BMPR1A: variants seen among roughly 807,000 people sequenced by gnomAD.
BMPR1A encodes the protein bone morphogenetic protein receptor type-1A.
A neutral mutation model predicts 66.0 loss-of-function variants in BMPR1A; 7 were observed. The observed-to-expected ratio is 0.11, with a 90% CI of 0.06 to 0.20. The LOEUF is 0.20. Ranked by LOEUF, BMPR1A falls within the 10% of genes least tolerant of loss-of-function variation. The pLI is 1.00. For synonymous variants in BMPR1A, 200 were observed against 229.7 expected (o/e 0.87, Z 1.17); for missense variants, 408 against 669.1 (o/e 0.61, Z 4.31).
At position 86,925,721 on chromosome 10, in the gene BMPR1A, C is replaced by CTTTTT. The variant is rs11450437; in HGVS notation, c.*2015_*2019dup. ...CATAATCTTTAAAATCATTTGTCAT[C>CTTTTT]TTTTTTTTTTTTTTTTTGAGACGGA... On this transcript the variant is annotated 3_prime_UTR_variant, in exon 13 of 13. Transcript: ENST00000372037. The CTTTTT allele has an allele frequency of 1.3e-4, 15 of 117,124 alleles. No homozygotes were observed. Among genetic ancestry groups the CTTTTT allele is most frequent in the African/African-American group, 5.2e-4 (13 of 25,052 alleles). The allele number at this position is 117,124 out of a possible 1,614,324, so 7.3% of individuals were successfully genotyped here.
At chr10:86,932,385 G>A (rs1173737838), downstream of BMPR1A, 7 of 152,122 alleles carry the variant, frequency 4.6e-5, no homozygotes, top group Non-Finnish European at 8.8e-5. Context: ...GTGTGGTTGG[G>A]TTTTTTGTTT....
intron 4 of BMPR1A, among the ~76,000 whole-genome samples, chr10:86,891,482 GC>G (rs1413140784): frequency 6.6e-6 from 1 of 152,050 alleles, no homozygotes; most frequent in East Asian, 1.9e-4. Context: ...TACAGAAAAA[GC>G]TTTTAGAAAT....
At chr10:86,865,540 T>G (rs1842774814) in intron 2 of BMPR1A, among the ~76,000 whole-genome samples, 2 of 152,314 alleles carry the variant, frequency 1.3e-5, no homozygotes, top group South Asian at 4.1e-4. Context: ...CCCAGGTGAT[T>G]AAAAGCTTTT....
Position 86,759,922 on chromosome 10 carries a change from T to G in BMPR1A, c.-268+3003T>G, listed in dbSNP as rs545421473. On this transcript the variant is annotated intron_variant, in intron 1 of 12. Transcript: ENST00000372037. ...TCACATTTTTTTCAGGAATTTATTT[T>G]CAAATCTAGTGTTATTTGGCTTTCA... Among the ~76,000 whole-genome samples, 7 of 152,264 alleles carry G rather than the reference T, an allele frequency of 4.6e-5. No homozygotes were observed. The East Asian group carries it at 1.2e-3, about 25-fold the overall frequency.
chr10:86,821,235 T>C (rs1842116113), intron 1 of BMPR1A, among the ~76,000 whole-genome samples: 1 of 152,218 alleles, frequency 6.6e-6, no homozygotes, highest in South Asian at 2.1e-4. Flanking sequence ...AGGAAGTTAC[T>C]CCTCTGGGTT....
At chr10:86,866,409 T>TC (rs1564707612) in intron 2 of BMPR1A, among the ~76,000 whole-genome samples, 3 of 103,078 alleles carry the variant, frequency 2.9e-5, no homozygotes, top group African/African-American at 8.3e-5. Context: ...CTTTTTTTTT[T>TC]TTTTTTTTTT....
At chr10:86,826,175 G>T (rs533926118) in intron 1 of BMPR1A, among the ~76,000 whole-genome samples, 1 of 152,014 alleles carries the variant, frequency 6.6e-6, no homozygotes, top group African/African-American at 2.4e-5. Context: ...ATTTTAGCAC[G>T]TGTATCCTAA....
intron 1 of BMPR1A, among the ~76,000 whole-genome samples, chr10:86,796,675 C>G (rs1185347877): frequency 2.0e-5 from 3 of 151,908 alleles, no homozygotes; most frequent in Non-Finnish European, 4.4e-5. Context: ...CTCCTAGGCT[C>G]TAGCAGTGCT....
chr10:86,860,765 A>G (rs1281283123), intron 2 of BMPR1A, among the ~76,000 whole-genome samples: 1 of 146,838 alleles, frequency 6.8e-6, no homozygotes. Context: ...ATGAGACTCC[A>G]TATCAAAAAA....
intron 2 of BMPR1A, among the ~76,000 whole-genome samples, chr10:86,869,181 G>C (rs1842822080): frequency 6.6e-6 from 1 of 152,164 alleles, no homozygotes; most frequent in African/African-American, 2.4e-5. Context: ...TTGTGGCCAG[G>C]CACGGTGGCT....
At chr10:86,828,886 T>A (rs1842231382) in intron 1 of BMPR1A, among the ~76,000 whole-genome samples, 1 of 152,122 alleles carries the variant, frequency 6.6e-6, no homozygotes, top group Non-Finnish European at 1.5e-5. Flanking sequence ...TCTTGTTAGG[T>A]TCGTAAGTTG....
chr10:86,773,598 A>G (rs1294128784), intron 1 of BMPR1A, among the ~76,000 whole-genome samples: 2 of 36,468 alleles, frequency 5.5e-5, no homozygotes, highest in East Asian at 6.5e-3. Context: ...TCTCAGAAAG[A>G]AAAAAAAAAA....
intron 8 of BMPR1A, among the ~76,000 whole-genome samples, chr10:86,913,699 T>C (rs1843523774): frequency 1.3e-5 from 2 of 152,284 alleles, no homozygotes; most frequent in Middle Eastern, 3.4e-3. Flanking sequence ...CCATGAAATA[T>C]TTAGAATAAG....
chr10:86,777,222 C>A (rs78863383), intron 1 of BMPR1A, among the ~76,000 whole-genome samples: 1 of 152,090 alleles, frequency 6.6e-6, no homozygotes, highest in Non-Finnish European at 1.5e-5. Context: ...TATTAAGAAC[C>A]GCAGTTGGTT....
chr10:86,884,754 C>T (rs1458773862), intron 3 of BMPR1A, among the ~76,000 whole-genome samples: 2 of 152,028 alleles, frequency 1.3e-5, no homozygotes, highest in Non-Finnish European at 2.9e-5. Context: ...ATTCATGTTT[C>T]TAGAAGCTTT....
intron 1 of BMPR1A, among the ~76,000 whole-genome samples, chr10:86,776,636 C>G (rs1443581971): frequency 6.6e-6 from 1 of 152,150 alleles, no homozygotes; most frequent in Admixed American, 6.5e-5. Flanking sequence ...TTCCAGATCA[C>G]TCTCCCTCCC....
Position 86,899,087 on chromosome 10 carries a change from A to G in BMPR1A, c.334-707A>G, listed in dbSNP as rs111756482. Among the ~76,000 whole-genome samples, 926 of 152,290 alleles carry G rather than the reference A, an allele frequency of 6.1e-3. 13 individuals carry two copies. Among genetic ancestry groups the G allele is most frequent in the African/African-American group, 0.02 (836 of 41,546 alleles). On this transcript the variant is annotated intron_variant, in intron 5 of 12. Coordinates refer to ENST00000372037, the MANE Select transcript of BMPR1A (RefSeq NM_004329.3). Reference sequence around the variant, plus strand: ...ATTCTTGTTACTTGTGTAGTGACAAACAGTTCTTTGCTATTCACATGTTGG... The same window carrying G: ...ATTCTTGTTACTTGTGTAGTGACAAGCAGTTCTTTGCTATTCACATGTTGG...
At chr10:86,791,733 C>CTT in intron 1 of BMPR1A, among the ~76,000 whole-genome samples, 5 of 115,182 alleles carry the variant, frequency 4.3e-5, no homozygotes, top group African/African-American at 1.0e-4. Flanking sequence ...TCCTTCCTTC[C>CTT]CTCCCTCCCT....
chr10:86,839,319 T>C (rs1482688723), intron 2 of BMPR1A, among the ~76,000 whole-genome samples: 1 of 152,174 alleles, frequency 6.6e-6, no homozygotes, highest in Non-Finnish European at 1.5e-5. Flanking sequence ...CATGCAAGAT[T>C]AGGCCAGGTG....
Sources: allele counts gnomAD v4.1 joint callset (sites outside exome capture counted in the v4.1 genomes callset), GRCh38; gene constraint gnomAD v4.1.1; transcripts MANE v1.5; gene names NCBI Gene and HGNC (gene_info 2026-07-23, HGNC 2026-07-21).